MROH7: variants seen among roughly 807,000 people sequenced by gnomAD.
The protein encoded by MROH7 is maestro heat like repeat family member 7, also known as maestro heat-like repeat-containing protein family member 7.
In MROH7, 113 loss-of-function variants were observed where a neutral mutation model predicts 129.2. The ratio of observed to expected loss-of-function variants is 0.87; its 90% CI spans 0.75 to 1.02. MROH7 has a LOEUF of 1.02. Ranked by LOEUF, MROH7 falls within the 50% of genes least tolerant of loss-of-function variation. The probability of loss-of-function intolerance (pLI) is 0.00; values close to 1 mark genes in which losing one functional copy is unlikely to be tolerated. For synonymous variants in MROH7, 655 were observed against 667.9 expected (o/e 0.98, Z 0.30); for missense variants, 1,601 against 1,671.3 (o/e 0.96, Z 0.73).
intron 4 of MROH7, among the ~76,000 whole-genome samples, chr1:54,666,277 C>T (rs1644812673): frequency 6.6e-6 from 1 of 152,118 alleles, no homozygotes; most frequent in African/African-American, 2.4e-5. Context: ...AATGTACACA[C>T]ATTTATTAAT....
chr1:54,673,138 C>A lies in MROH7; in HGVS notation c.1647C>A (p.Ala549=), dbSNP rs755872203. ...AGGCCCTGCAGACACTGCTCAAAGC[C>A]CTCTTTATCGAGGACCCCACTCCTG... The part of the protein sequence containing the change: ...TLEALQTLLK[A]LFIEDPTPAG... The change falls in exon 8 of 24, where the codon GCC becomes GCA. Residue 549 remains alanine, a synonymous_variant. Transcript: ENST00000421030. 1 of 1,614,006 alleles carries A rather than the reference C, an allele frequency of 6.2e-7. No homozygotes were observed.
chr1:54,659,854 AG>A (rs1428565093), intron 3 of MROH7, among the ~76,000 whole-genome samples: 7 of 152,202 alleles, frequency 4.6e-5, no homozygotes, highest in Non-Finnish European at 1.0e-4. Context: ...GGTGTTCTGT[AG>A]TATTCCATTG....
In MROH7 at chr1:54,700,171, C is replaced by T. The variant is rs764027632; in HGVS notation, c.2965-150C>T. 128 of 985,758 alleles carry T rather than the reference C, an allele frequency of 1.3e-4. No individual in the cohort carries two copies. The East Asian group carries it at 1.8e-3, about 14-fold the overall frequency. The allele number at this position is 985,758 out of a possible 1,614,324, so 61.1% of individuals were successfully genotyped here. A position where few individuals can be genotyped will look rare whatever the true frequency, so the allele number is the denominator to read the frequency against. On this transcript the variant is annotated intron_variant, in intron 17 of 23. Transcript: ENST00000421030. ...CCACATGGTGCTGATGGACATCAGACGGAGACTTCCAGCAATCTGTTGGTT... is the reference window on the plus strand; with the variant it reads ...CCACATGGTGCTGATGGACATCAGATGGAGACTTCCAGCAATCTGTTGGTT...
At position 54,674,003 on chromosome 1, in the gene MROH7, G is replaced by A. The variant is rs1288287142; in HGVS notation, c.1801-13G>A. On this transcript the variant is annotated splice_polypyrimidine_tract_variant and intron_variant, in intron 9 of 23. Transcript: ENST00000421030. ...CCTATAACACTCAATCCCTAAGATTGCAATACAAACAGATGCCCTTGGGGT... is the reference window on the plus strand; with the variant it reads ...CCTATAACACTCAATCCCTAAGATTACAATACAAACAGATGCCCTTGGGGT... The A allele has an allele frequency of 1.2e-6, 2 of 1,613,226 alleles. No individual in the cohort carries two copies. Among genetic ancestry groups the A allele is most frequent in the South Asian group, 1.1e-5 (1 of 90,970 alleles).
intron 18 of MROH7, among the ~76,000 whole-genome samples, 155 bp downstream of exon 18, chr1:54,700,616 T>A (rs1297823574): frequency 6.6e-6 from 1 of 152,242 alleles, no homozygotes; most frequent in East Asian, 1.9e-4. Context: ...TAGATATCCT[T>A]TAAAAATCTA....
Position 54,687,864 on chromosome 1 carries a change from T to TTTTC in MROH7, c.2711+1424_2711+1427dup, listed in dbSNP as rs200701529. 3.7e-3 allele frequency among the ~76,000 whole-genome samples: 522 copies of TTTTC among 142,660 alleles called. 7 individuals carry two copies. The highest frequency in any genetic ancestry group is 0.013 in the African/African-American group (487 of 38,314). The allele number at this position is 142,660 out of a possible 152,430, so 93.6% of individuals were successfully genotyped here. A position where few individuals can be genotyped will look rare whatever the true frequency, so the allele number is the denominator to read the frequency against. On this transcript the variant is annotated intron_variant, in intron 15 of 23. Coordinates refer to ENST00000421030, the MANE Select transcript of MROH7 (RefSeq NM_001039464.4). The stretch of plus-strand genomic sequence containing the variant: ...TTATGAATGACATTGAGTTTGCTTT[T>TTTTC]TTTCTTTCTTTTTTTTTTTTTTGAG...
intron 16 of MROH7, among the ~76,000 whole-genome samples, chr1:54,694,343 C>T (rs1176314429): frequency 6.6e-6 from 1 of 152,240 alleles, no homozygotes; most frequent in Admixed American, 6.5e-5. Context: ...ACTGGATTCA[C>T]TGATGGTGGA....
chr1:54,692,592 T>TGGGGGG, intron 16 of MROH7, 31 bp downstream of exon 16: 1 of 1,362,134 alleles, frequency 7.3e-7, no homozygotes, highest in Non-Finnish European at 1.0e-6. Flanking sequence ...GGGGTTGGGG[T>TGGGGGG]GGGAGGGAGA....
intron 21 of MROH7, 96 bp downstream of exon 21, chr1:54,702,841 A>G (rs1348474450): frequency 7.0e-6 from 10 of 1,429,814 alleles, no homozygotes; most frequent in Non-Finnish European, 7.6e-6. Context: ...CCAGCATCCT[A>G]TTTCCATGAC....
chr1:54,693,847 T>C (rs1645277923), intron 16 of MROH7, among the ~76,000 whole-genome samples: 1 of 152,230 alleles, frequency 6.6e-6, no homozygotes, highest in African/African-American at 2.4e-5. Flanking sequence ...CATGATCCCA[T>C]TTAATCCTCA....
chr1:54,653,202 C>T lies in MROH7; in HGVS notation c.276C>T (p.Ala92=), dbSNP rs1407916193. The part of the protein sequence containing the change: ...RPDDSRAIAP[A]SLQITSSCSG... The stretch of plus-strand genomic sequence containing the variant: ...ATGACAGCAGAGCTATCGCTCCAGC[C>T]TCCCTCCAGATCACCAGTTCTTGTT... The change falls in exon 3 of 24, where the codon GCC becomes GCT. Residue 92 remains alanine (A), a synonymous_variant. Transcript: ENST00000421030. 8 of 1,614,206 alleles carry T rather than the reference C, an allele frequency of 5.0e-6. No homozygotes were observed. The highest frequency in any genetic ancestry group is 6.8e-6 in the Non-Finnish European group (8 of 1,180,032).
intron 15 of MROH7, among the ~76,000 whole-genome samples, chr1:54,688,501 C>T (rs899168135): frequency 1.1e-4 from 16 of 152,156 alleles, no homozygotes; most frequent in African/African-American, 3.6e-4. Flanking sequence ...AGAGGGCAAA[C>T]AGTTGTGTAG....
chr1:54,684,832 G>A (rs1645122353), intron 14 of MROH7, among the ~76,000 whole-genome samples: 1 of 152,342 alleles, frequency 6.6e-6, no homozygotes, highest in Non-Finnish European at 1.5e-5. Context: ...TACCTGTTGA[G>A]AAAGGGGAGA....
chr1:54,668,712 T>C lies in MROH7; in HGVS notation c.1306-142T>C, dbSNP rs1013332309. 27 of 637,300 alleles carry C rather than the reference T, an allele frequency of 4.2e-5. No individual in the cohort carries two copies. The African/African-American group carries it at 4.6e-4, about 11-fold the overall frequency. The allele number at this position is 637,300 out of a possible 1,614,324, so 39.5% of individuals were successfully genotyped here. ...ATCTTTACCCCACCCCAAGCTCCCC[T>C]TGTGGGGACCTCTCATTTCTCTTGC... On this transcript the variant is annotated intron_variant, in intron 4 of 23. Transcript: ENST00000421030.
chr1:54,646,131 CA>C (rs1002171244), intron 1 of MROH7, among the ~76,000 whole-genome samples: 4 of 152,142 alleles, frequency 2.6e-5, no homozygotes, highest in African/African-American at 9.7e-5. Flanking sequence ...TTCCCTGGGC[CA>C]CTTGTTATCA....
In MROH7 at chr1:54,677,422, AAAAC is replaced by A. The variant is rs577234630; in HGVS notation, c.1937-1312_1937-1309del. On this transcript the variant is annotated intron_variant, in intron 10 of 23. Coordinates refer to ENST00000421030, the MANE Select transcript of MROH7 (RefSeq NM_001039464.4). ...TCAAAACAAACAAACAAAACAAAAC[AAAAC>A]AAACAAAACAAAAACAAACAAAAAA... is the stretch of plus-strand genomic sequence containing the variant. Among the ~76,000 whole-genome samples, 370 of 152,218 alleles carry A rather than the reference AAAAC, an allele frequency of 2.4e-3. 3 individuals are homozygous for A. The highest frequency in any genetic ancestry group is 8.4e-3 in the African/African-American group (350 of 41,540).
intron 10 of MROH7, among the ~76,000 whole-genome samples, chr1:54,677,092 C>T (rs116168851): frequency 6.6e-6 from 1 of 151,834 alleles, no homozygotes; most frequent in African/African-American, 2.4e-5. Flanking sequence ...CCATCTGCCT[C>T]GGCCTCCAAA....
Position 54,681,382 on chromosome 1 carries a change from G to T in MROH7, c.2382-1274G>T, listed in dbSNP as rs555974653. On this transcript the variant is annotated intron_variant, in intron 13 of 23. Coordinates refer to ENST00000421030, the MANE Select transcript of MROH7 (RefSeq NM_001039464.4). ...TTTACATCTTGGCTTTGCTTCCAGG[G>T]TCCCCACAGGGACAAACCAAGTTAC... is the stretch of plus-strand genomic sequence containing the variant. Among the ~76,000 whole-genome samples the T allele has an allele frequency of 2.6e-4, 39 of 152,260 alleles. No homozygotes were observed. The South Asian group carries it at 8.1e-3, about 32-fold the overall frequency.
Position 54,673,152 on chromosome 1 carries a change from A to G in MROH7, c.1661A>G (p.Asp554Gly), listed in dbSNP as rs1377367591. 2.5e-6 allele frequency: 4 copies of G among 1,613,650 alleles called. No individual in the cohort carries two copies. The African/African-American group carries it at 5.3e-5, about 22-fold the overall frequency. ...QTLLKALFIEDPTPAGLKSIL... is the reference protein window; with the variant it reads ...QTLLKALFIEGPTPAGLKSIL... ...CTGCTCAAAGCCCTCTTTATCGAGG[A>G]CCCCACTCCTGCTGGGCTGAAGAGC... Residue 554 changes from aspartate to glycine, a missense_variant, in exon 8 of 24, where the codon GAC becomes GGC. Coordinates refer to ENST00000421030, the MANE Select transcript of MROH7 (RefSeq NM_001039464.4).
Sources: allele counts gnomAD v4.1 joint callset (sites outside exome capture counted in the v4.1 genomes callset), GRCh38; gene constraint gnomAD v4.1.1; transcripts MANE v1.5; gene names NCBI Gene and HGNC (gene_info 2026-07-23, HGNC 2026-07-21).